Variants in PDZRN4 observed in about 807,000 individuals in gnomAD.
PDZRN4 encodes PDZ domain containing ring finger 4.
A neutral mutation model predicts 99.0 loss-of-function variants in PDZRN4; 70 were observed. The observed-to-expected ratio is 0.71, with a 90% CI of 0.58 to 0.86. The LOEUF is 0.86. Ranked by LOEUF, PDZRN4 falls within the 40% of genes least tolerant of loss-of-function variation. PDZRN4 has a pLI of 0.00. For missense variants in PDZRN4, 1,474 were observed against 1,331.2 expected (o/e 1.11, Z -1.67); for synonymous variants, 551 against 501.6 (o/e 1.10, Z -1.32).
intron 3 of PDZRN4, among the ~76,000 whole-genome samples, chr12:41,292,764 T>A (rs973324729): frequency 6.6e-6 from 1 of 152,182 alleles, no homozygotes; most frequent in Non-Finnish European, 1.5e-5. Flanking sequence ...ACGTTCACTT[T>A]AGTAAGATTC....
chr12:41,383,496 A>T (rs1952141480), intron 3 of PDZRN4, among the ~76,000 whole-genome samples: 1 of 152,224 alleles, frequency 6.6e-6, no homozygotes, highest in Admixed American at 6.5e-5. Flanking sequence ...CTGAGTTTTC[A>T]TGATTAGCAA....
intron 3 of PDZRN4, among the ~76,000 whole-genome samples, chr12:41,389,362 A>G (rs910644068): frequency 2.6e-5 from 4 of 152,198 alleles, no homozygotes; most frequent in Admixed American, 1.3e-4. Flanking sequence ...AGGCTTTTAA[A>G]TGAAGCCCAA....
At chr12:41,226,087 T>C (rs1950992614) in intron 3 of PDZRN4, among the ~76,000 whole-genome samples, 1 of 152,112 alleles carries the variant, frequency 6.6e-6, no homozygotes, top group Admixed American at 6.6e-5. Flanking sequence ...GGTGTCATTT[T>C]TTTTTTAACA....
intron 5 of PDZRN4, among the ~76,000 whole-genome samples, chr12:41,542,412 C>T (rs1326206699): frequency 4.6e-5 from 7 of 152,192 alleles, no homozygotes; most frequent in Admixed American, 4.6e-4. Context: ...TCAAGCCTTG[C>T]TTTCCTAAGA....
At chr12:41,306,289 A>G (rs1951569042) in intron 3 of PDZRN4, among the ~76,000 whole-genome samples, 1 of 152,208 alleles carries the variant, frequency 6.6e-6, no homozygotes, top group Admixed American at 6.5e-5. Flanking sequence ...GCCCTGCCCC[A>G]TGGCTTTGAC....
chr12:41,242,058 G>A (rs1347860699), intron 3 of PDZRN4, among the ~76,000 whole-genome samples: 1 of 152,140 alleles, frequency 6.6e-6, no homozygotes, highest in Non-Finnish European at 1.5e-5. Context: ...GTTGGCAGGA[G>A]GCAGCAAGCA....
intron 3 of PDZRN4, among the ~76,000 whole-genome samples, chr12:41,483,914 A>G (rs1259945771): frequency 6.6e-6 from 1 of 152,140 alleles, no homozygotes; most frequent in African/African-American, 2.4e-5. Flanking sequence ...TGACATGTGA[A>G]CTTACATTCT....
intron 3 of PDZRN4, among the ~76,000 whole-genome samples, chr12:41,411,068 T>TATATATATATATATA (rs1555141008): frequency 2.0e-4 from 17 of 83,998 alleles, no homozygotes; most frequent in African/African-American, 9.4e-4. Context: ...TATATATATA[T>TATATATATATATATA]TTTTTTTTTA....
At chr12:41,549,278 G>A (rs754502708) in intron 5 of PDZRN4, among the ~76,000 whole-genome samples, 1 of 152,194 alleles carries the variant, frequency 6.6e-6, no homozygotes, top group Non-Finnish European at 1.5e-5. Flanking sequence ...TTACCAAGAG[G>A]TTGTTTCTTC....
chr12:41,294,244 C>A (rs1004354623), intron 3 of PDZRN4, among the ~76,000 whole-genome samples: 1 of 152,274 alleles, frequency 6.6e-6, no homozygotes, highest in East Asian at 1.9e-4. Context: ...CAAGTCCTGC[C>A]TTTAACACCC....
chr12:41,383,300 C>T (rs1952140075), intron 3 of PDZRN4, among the ~76,000 whole-genome samples: 1 of 152,178 alleles, frequency 6.6e-6, no homozygotes, highest in Non-Finnish European at 1.5e-5. Flanking sequence ...TCCAGCAAAG[C>T]TGTTCTGTGG....
intron 3 of PDZRN4, among the ~76,000 whole-genome samples, chr12:41,475,475 T>C (rs538734918): frequency 6.6e-6 from 1 of 152,332 alleles, no homozygotes; most frequent in Non-Finnish European, 1.5e-5. Context: ...TTAATTATGT[T>C]TATCTAGAGC....
At chr12:41,462,091 T>C (rs1228947526) in intron 3 of PDZRN4, among the ~76,000 whole-genome samples, 1 of 152,234 alleles carries the variant, frequency 6.6e-6, no homozygotes, top group Non-Finnish European at 1.5e-5. Context: ...CAACCAGTAG[T>C]TCAGCTTGCT....
intron 3 of PDZRN4, among the ~76,000 whole-genome samples, chr12:41,290,903 C>T (rs1374317733): frequency 6.6e-6 from 1 of 151,740 alleles, no homozygotes; most frequent in East Asian, 1.9e-4. Context: ...GATTCATTTC[C>T]TTAAACATTC....
chr12:41,221,214 A>G (rs1248167683), intron 3 of PDZRN4, among the ~76,000 whole-genome samples: 1 of 152,202 alleles, frequency 6.6e-6, no homozygotes, highest in African/African-American at 2.4e-5. Context: ...TGTGATCAAG[A>G]AACAAAACCT....
At chr12:41,330,908 T>A (rs1951737776) in intron 3 of PDZRN4, among the ~76,000 whole-genome samples, 1 of 152,128 alleles carries the variant, frequency 6.6e-6, no homozygotes, top group African/African-American at 2.4e-5. Context: ...CTTTAGCTCA[T>A]ATCATTAAAA....
chr12:41,239,799 G>C (rs1204290650), intron 3 of PDZRN4, among the ~76,000 whole-genome samples: 1 of 152,204 alleles, frequency 6.6e-6, no homozygotes, highest in Non-Finnish European at 1.5e-5. Context: ...GGAGTAAACA[G>C]AGTTGTGTAA....
At chr12:41,537,918 C>A (rs999481314) in intron 5 of PDZRN4, among the ~76,000 whole-genome samples, 6 of 152,196 alleles carry the variant, frequency 3.9e-5, no homozygotes, top group Non-Finnish European at 7.4e-5. Context: ...GGTTCTGATG[C>A]CAGCAGAAAG....
At chr12:41,237,114 A>G (rs1364931270) in intron 3 of PDZRN4, among the ~76,000 whole-genome samples, 2 of 152,160 alleles carry the variant, frequency 1.3e-5, no homozygotes, top group Non-Finnish European at 1.5e-5. Flanking sequence ...AATAAAAAAC[A>G]TAATTAGGTG....
Sources: allele counts gnomAD v4.1 joint callset (sites outside exome capture counted in the v4.1 genomes callset), GRCh38; gene constraint gnomAD v4.1.1; transcripts MANE v1.5; gene names NCBI Gene and HGNC (gene_info 2026-07-23, HGNC 2026-07-21).